SVOPL: variants seen among roughly 807,000 people sequenced by gnomAD.
SVOPL encodes the protein SVOP like, also known as putative transporter SVOPL.
A neutral mutation model predicts 61.0 loss-of-function variants in SVOPL; 60 were observed. The observed-to-expected ratio is 0.98, with a 90% confidence interval of 0.80 to 1.22. SVOPL has a LOEUF of 1.22. Among genes scored for constraint, SVOPL ranks in the 50% most tolerant of loss-of-function variants. SVOPL has a pLI of 0.00. For synonymous variants in SVOPL, 279 were observed against 250.0 expected, an observed-to-expected ratio of 1.12 and a Z score of -1.09; for missense variants, 662 against 643.9, an observed-to-expected ratio of 1.03 and a Z score of -0.30.
intron 9 of SVOPL, among the ~76,000 whole-genome samples, chr7:138,630,504 T>C (rs1800127528): frequency 6.6e-6 from 1 of 152,140 alleles, no homozygotes; most frequent in Admixed American, 6.6e-5. Flanking sequence ...AACTCTTATA[T>C]TAAAAAAGAG....
At chr7:138,596,664 T>C in intron 14 of SVOPL, 134 bp from the exon 15 acceptor site, 1 of 1,403,364 alleles carries the variant, frequency 7.1e-7, no homozygotes, top group Middle Eastern at 2.7e-4. Context: ...TGTACCTTCC[T>C]GACAAATTGA....
intron 14 of SVOPL, among the ~76,000 whole-genome samples, chr7:138,615,181 TATCAC>T (rs1799234741): frequency 6.6e-6 from 1 of 152,132 alleles, no homozygotes; most frequent in African/African-American, 2.4e-5. Flanking sequence ...AATATGATGG[TATCAC>T]AGTTGGATGT....
intron 14 of SVOPL, among the ~76,000 whole-genome samples, chr7:138,601,624 T>C (rs768209824): frequency 5.3e-5 from 8 of 151,880 alleles, no homozygotes; most frequent in Non-Finnish European, 1.0e-4. Context: ...AATGGGAAGA[T>C]GTAGGGGAGA....
At chr7:138,660,559 T>C in intron 5 of SVOPL, 5 of 985,928 alleles carry the variant, frequency 5.1e-6, no homozygotes, top group Non-Finnish European at 6.0e-6. Context: ...CTTTCATACA[T>C]GTAATATAAT....
intron 15 of SVOPL, 70 bp from the exon 16 acceptor site, chr7:138,594,691 C>G: frequency 1.7e-6 from 2 of 1,150,610 alleles, no homozygotes; most frequent in Non-Finnish European, 1.2e-6. Context: ...ACTGAGCTAT[C>G]TGATATTTTA....
At chr7:138,600,009 C>A (rs1798448862) in intron 14 of SVOPL, among the ~76,000 whole-genome samples, 1 of 151,980 alleles carries the variant, frequency 6.6e-6, no homozygotes, top group East Asian at 1.9e-4. Flanking sequence ...GCCATTTAAG[C>A]CTGATGGAAA....
At chr7:138,677,342 T>G (rs556914856) in intron 3 of SVOPL, among the ~76,000 whole-genome samples, 1 of 152,252 alleles carries the variant, frequency 6.6e-6, no homozygotes, top group East Asian at 1.9e-4. Flanking sequence ...CTGATTGTTT[T>G]TATTTTGCCC....
At chr7:138,607,547 G>A (rs1798812428) in intron 14 of SVOPL, among the ~76,000 whole-genome samples, 1 of 152,140 alleles carries the variant, frequency 6.6e-6, no homozygotes, top group African/African-American at 2.4e-5. Context: ...CAGGTGAGAT[G>A]AGGGGTTAAA....
At chr7:138,596,280 C>T (rs575854629) in intron 15 of SVOPL, 137 bp downstream of exon 15, 48 of 646,472 alleles carry the variant, frequency 7.4e-5, no homozygotes, top group Non-Finnish European at 1.1e-4. Flanking sequence ...CCTTGTTATT[C>T]AAACTACAAC....
At chr7:138,660,904 T>C (rs932197481) in intron 5 of SVOPL, 1 of 985,166 alleles carries the variant, frequency 1.0e-6, no homozygotes, top group Non-Finnish European at 1.2e-6. Context: ...GCAGGACTCT[T>C]TAAGGAAAAA....
intron 3 of SVOPL, 106 bp downstream of exon 3, chr7:138,678,328 G>C (rs1279975545): frequency 2.5e-6 from 3 of 1,221,930 alleles, no homozygotes; most frequent in African/African-American, 1.5e-5. Context: ...GACCTCCTGA[G>C]GGCTGTGTCA....
intron 1 of SVOPL, among the ~76,000 whole-genome samples, chr7:138,698,980 A>C (rs112928444): frequency 2.6e-5 from 4 of 152,114 alleles, no homozygotes; most frequent in African/African-American, 9.7e-5. Flanking sequence ...GTGAAACCTC[A>C]TCTCTACTAA....
chr7:138,601,689 A>C (rs1283575451), intron 14 of SVOPL, among the ~76,000 whole-genome samples: 1 of 152,246 alleles, frequency 6.6e-6, no homozygotes, highest in Non-Finnish European at 1.5e-5. Context: ...CTTTTAAAAA[A>C]TATAAAACAT....
At chr7:138,622,493 C>T (rs56072271) in intron 13 of SVOPL, among the ~76,000 whole-genome samples, 4 of 101,124 alleles carry the variant, frequency 4.0e-5, no homozygotes, top group African/African-American at 2.0e-4. Flanking sequence ...CAGCGGCGGG[C>T]GGGGGGTCTC....
intron 4 of SVOPL, among the ~76,000 whole-genome samples, chr7:138,665,875 C>T (rs1222003176): frequency 6.6e-6 from 1 of 152,166 alleles, no homozygotes; most frequent in East Asian, 1.9e-4. Context: ...GGATTGTAGG[C>T]AACAGAGGAG....
intron 4 of SVOPL, among the ~76,000 whole-genome samples, chr7:138,665,259 A>G (rs1466257469): frequency 1.3e-5 from 2 of 149,410 alleles, no homozygotes; most frequent in Non-Finnish European, 3.0e-5. Context: ...TCATAGCCCC[A>G]CAATTCTTTA....
In SVOPL at chr7:138,644,846, C is replaced by T. The variant is rs1489364844; in HGVS notation, c.661-1G>A. On this transcript the variant is annotated splice_acceptor_variant, in intron 8 of 15. Coordinates refer to ENST00000674285, the MANE Select transcript of SVOPL (RefSeq NM_001139456.2). LOFTEE classifies it high-confidence loss of function. ...TGAACCGGGCAGATTCAGGAATAAA[C>T]TGGGTAGAGATTACAAAGAACATCA... 3.1e-6 allele frequency: 5 copies of T among 1,614,090 alleles called. No individual in the cohort carries two copies. Among genetic ancestry groups the T allele is most frequent in the Admixed American group, 1.7e-5 (1 of 60,006 alleles).
intron 5 of SVOPL, chr7:138,660,252 A>G: frequency 8.5e-7 from 1 of 1,169,902 alleles, no homozygotes; most frequent in Non-Finnish European, 1.1e-6. Context: ...AGGTCCCTGA[A>G]CTTGGACATC....
At chr7:138,622,315 G>GTATTTATCTATCTATCTATGTATCT (rs1799706548) in intron 13 of SVOPL, among the ~76,000 whole-genome samples, 1 of 51,964 alleles carries the variant, frequency 1.9e-5, no homozygotes, top group Non-Finnish European at 4.5e-5. Context: ...TCTATCTATC[G>GTATTTATCTATCTATCTATGTATCT]ACAGAGTCTC....
Sources: allele counts gnomAD v4.1 joint callset (sites outside exome capture counted in the v4.1 genomes callset), GRCh38; gene constraint gnomAD v4.1.1; transcripts MANE v1.5; gene names NCBI Gene and HGNC (gene_info 2026-07-23, HGNC 2026-07-21).